Variants in TUSC7 observed in about 807,000 individuals in gnomAD.
TUSC7 encodes LSAMP antisense RNA 3.
At chr3:116,713,120 T>G (rs1178026529) in intron 1 of TUSC7, among the ~76,000 whole-genome samples, 1 of 152,158 alleles carries the variant, frequency 6.6e-6, no homozygotes, top group Non-Finnish European at 1.5e-5. Flanking sequence ...CTATAATCAC[T>G]CACAATATGG....
chr3:116,716,102 T>A (rs1284263047), intron 1 of TUSC7: 3 of 152,232 alleles, frequency 2.0e-5, no homozygotes, highest in African/African-American at 7.2e-5. Flanking sequence ...AGTGGGTTTA[T>A]ATAGAGTTTC....
rs189910037 is a variant in TUSC7, at chr3:116,716,736, G to A, written n.99-1025G>A. The A allele has an allele frequency of 1.2e-4, 19 of 152,290 alleles. No individual in the cohort carries two copies. The East Asian group carries it at 3.1e-3, about 25-fold the overall frequency. The allele number at this position is 152,290 out of a possible 1,614,324, so 9.4% of individuals were successfully genotyped here. On this transcript the variant is annotated intron_variant and non_coding_transcript_variant, in intron 1 of 2. Coordinates refer to ENST00000477805, the Ensembl canonical transcript of TUSC7. The stretch of plus-strand genomic sequence containing the variant: ...TCAAAATCCAGTTCCCTCTTGTAGA[G>A]CCACAGGGTTAAAAGGGACCTTAGA...
chr3:116,713,540 T>TG (rs754678782), intron 1 of TUSC7, among the ~76,000 whole-genome samples: 2 of 151,532 alleles, frequency 1.3e-5, no homozygotes, highest in Admixed American at 6.6e-5. Context: ...GAGATCTACA[T>TG]GGATAATAAA....
At chr3:116,716,496 T>C (rs1404548514) in intron 1 of TUSC7, 1 of 152,132 alleles carries the variant, frequency 6.6e-6, no homozygotes, top group Non-Finnish European at 1.5e-5. Flanking sequence ...GTGTGACTGC[T>C]CTGACAGCAA....
chr3:116,715,596 T>C (rs2051498781), intron 1 of TUSC7, among the ~76,000 whole-genome samples: 1 of 152,218 alleles, frequency 6.6e-6, no homozygotes, highest in African/African-American at 2.4e-5. Flanking sequence ...AATTTTCATA[T>C]GCTTATTTGC....
At chr3:116,711,864 C>A (rs1379620557) in intron 1 of TUSC7, among the ~76,000 whole-genome samples, 3 of 152,116 alleles carry the variant, frequency 2.0e-5, no homozygotes, top group African/African-American at 7.2e-5. Context: ...CACACTTTAA[C>A]CTGTCACTCA....
intron 1 of TUSC7, among the ~76,000 whole-genome samples, chr3:116,716,005 C>A (rs765800067): frequency 6.6e-6 from 1 of 152,052 alleles, no homozygotes; most frequent in Non-Finnish European, 1.5e-5. Context: ...GAAAAAAGTG[C>A]CCTGTGGAAG....
At chr3:116,713,278 C>A (rs1352295112) in intron 1 of TUSC7, among the ~76,000 whole-genome samples, 2 of 152,120 alleles carry the variant, frequency 1.3e-5, no homozygotes, top group African/African-American at 2.4e-5. Flanking sequence ...TTCTTAAATT[C>A]TCTGGTTAAG....
chr3:116,715,525 A>G (rs1040660557), intron 1 of TUSC7, among the ~76,000 whole-genome samples: 1 of 152,140 alleles, frequency 6.6e-6, no homozygotes, highest in African/African-American at 2.4e-5. Context: ...ATTCTAGTAT[A>G]TGTGTAGTGG....
intron 1 of TUSC7, among the ~76,000 whole-genome samples, chr3:116,714,994 C>A (rs1304277170): frequency 6.6e-6 from 1 of 152,130 alleles, no homozygotes; most frequent in Non-Finnish European, 1.5e-5. Flanking sequence ...CATATTCATG[C>A]TTCTTCCCAA....
chr3:116,715,937 C>T (rs1473904563), intron 1 of TUSC7, among the ~76,000 whole-genome samples: 1 of 152,020 alleles, frequency 6.6e-6, no homozygotes, highest in Non-Finnish European at 1.5e-5. Flanking sequence ...CCATTTAATT[C>T]CAGTTCAATT....
intron 1 of TUSC7, chr3:116,712,823 G>A (rs1229789173): frequency 6.6e-6 from 1 of 152,068 alleles, no homozygotes; most frequent in Non-Finnish European, 1.5e-5. Flanking sequence ...CATGCTTTTA[G>A]GTTACAATCA....
intron 1 of TUSC7, among the ~76,000 whole-genome samples, chr3:116,713,409 G>A (rs2051478750): frequency 6.6e-6 from 1 of 152,142 alleles, no homozygotes; most frequent in East Asian, 1.9e-4. Context: ...ACCATCCCAA[G>A]CAAGGATATT....
chr3:116,710,627 T>C (rs1009642663), intron 1 of TUSC7, among the ~76,000 whole-genome samples: 3 of 152,178 alleles, frequency 2.0e-5, no homozygotes, highest in South Asian at 2.1e-4. Flanking sequence ...ATGTAAGTAC[T>C]ACTTTTCATG....
chr3:116,712,662 C>G (rs972536524), intron 1 of TUSC7: 1 of 151,846 alleles, frequency 6.6e-6, no homozygotes, highest in African/African-American at 2.4e-5. Context: ...AGAGAGGGAA[C>G]TTTTTAGAAT....
intron 1 of TUSC7, among the ~76,000 whole-genome samples, chr3:116,713,626 G>A (rs2051480624): frequency 6.6e-6 from 1 of 152,168 alleles, no homozygotes; most frequent in Admixed American, 6.5e-5. Context: ...ATGATGAACT[G>A]TCCTGGAACA....
intron 1 of TUSC7, among the ~76,000 whole-genome samples, chr3:116,715,444 A>G (rs1474885299): frequency 6.6e-6 from 1 of 152,212 alleles, no homozygotes; most frequent in Non-Finnish European, 1.5e-5. Flanking sequence ...TCCCACTAAC[A>G]GTAAATAAAA....
chr3:116,715,760 G>A (rs1438547033), intron 1 of TUSC7, among the ~76,000 whole-genome samples: 1 of 151,972 alleles, frequency 6.6e-6, no homozygotes, highest in African/African-American at 2.4e-5. Context: ...TTTTTTCTCA[G>A]TCTGTGCCTT....
chr3:116,714,605 C>T (rs2051489582), intron 1 of TUSC7, among the ~76,000 whole-genome samples: 1 of 152,086 alleles, frequency 6.6e-6, no homozygotes, highest in Non-Finnish European at 1.5e-5. Flanking sequence ...AATAGCAAGA[C>T]CTGTAGGGTA....
Sources: gnomAD v4.1 joint callset for allele counts (sites outside exome capture counted in the v4.1 genomes callset) on GRCh38, gnomAD v4.1.1 for gene constraint, MANE v1.5 for transcripts, NCBI Gene and HGNC (gene_info 2026-07-23, HGNC 2026-07-21) for gene names.